The following DYRK4 variants were observed in gnomAD, a reference collection of about 807,000 sequenced individuals.
DYRK4 encodes dual specificity tyrosine-phosphorylation-regulated kinase 4.
A neutral mutation model predicts 68.3 loss-of-function variants in DYRK4; 64 were observed. That is an observed-to-expected ratio of 0.94 (90% CI 0.77 to 1.15). DYRK4 has a LOEUF of 1.15. DYRK4 is among the 50% of genes most tolerant of loss of function. DYRK4 has a pLI of 0.00. For missense variants in DYRK4, 740 were observed against 764.7 expected, an observed-to-expected ratio of 0.97 and a Z score of 0.38; for synonymous variants, 274 against 289.9, an observed-to-expected ratio of 0.95 and a Z score of 0.56.
At chr12:4,586,633 G>T (rs183641942) in intron 2 of DYRK4, among the ~76,000 whole-genome samples, 7 of 151,988 alleles carry the variant, frequency 4.6e-5, no homozygotes, top group Non-Finnish European at 1.0e-4. Context: ...GAGTACAAGT[G>T]TGCAGAGATG....
intron 1 of DYRK4, among the ~76,000 whole-genome samples, chr12:4,566,790 T>C (rs994847693): frequency 1.3e-5 from 2 of 152,240 alleles, no homozygotes; most frequent in African/African-American, 4.8e-5. Flanking sequence ...CAGGATTTTT[T>C]CATATTGTCT....
intron 2 of DYRK4, chr12:4,580,725 A>G (rs1324983849): frequency 2.3e-6 from 1 of 426,926 alleles, no homozygotes; most frequent in African/African-American, 2.1e-5. Flanking sequence ...CAGAGCCTGT[A>G]AGGAAGAAGT....
At chr12:4,569,410 C>A (rs529204349) in intron 2 of DYRK4, among the ~76,000 whole-genome samples, 1 of 152,288 alleles carries the variant, frequency 6.6e-6, no homozygotes, top group East Asian at 1.9e-4. Flanking sequence ...GCAAAATCAT[C>A]ATGAGGTTTG....
intron 5 of DYRK4, 71 bp from the exon 6 acceptor site, chr12:4,592,931 C>G (rs1180316806): frequency 1.9e-6 from 3 of 1,551,798 alleles, no homozygotes; most frequent in African/African-American, 2.7e-5. Flanking sequence ...GGAAGGGATG[C>G]CATCGTCTGC....
At chr12:4,587,542 A>T (rs1944909900) in intron 2 of DYRK4, among the ~76,000 whole-genome samples, 1 of 152,188 alleles carries the variant, frequency 6.6e-6, no homozygotes, top group Non-Finnish European at 1.5e-5. Flanking sequence ...ATTCATCCCC[A>T]CAAACCTACT....
intron 2 of DYRK4, among the ~76,000 whole-genome samples, chr12:4,572,555 A>G (rs189248598): frequency 8.5e-5 from 13 of 152,318 alleles, no homozygotes; most frequent in Admixed American, 3.3e-4. Flanking sequence ...TTGGCCTCCC[A>G]AAGTACTGGG....
chr12:4,573,268 A>T, intron 2 of DYRK4: 12 of 1,266,664 alleles, frequency 9.5e-6, no homozygotes, highest in Non-Finnish European at 1.2e-5. Flanking sequence ...TAATGTCTAC[A>T]TTTGGAATGG....
rs1945021874 is a variant in DYRK4 at position 4,596,682 on chromosome 12, C to T, written c.858C>T (p.Asp286=). The T allele has an allele frequency of 6.2e-7, 1 of 1,614,098 alleles. No individual in the cohort carries two copies. Among genetic ancestry groups the T allele is most frequent in the Non-Finnish European group, 8.5e-7 (1 of 1,180,056 alleles). ...DNTYNVVHMK[D]FFYFRNHFCI... is the part of the protein sequence containing the mutation. ...CCTACAATGTGGTGCATATGAAGGACTTTTTCTACTTTCGCAATCACTTCT... is the reference window on the plus strand; with the variant it reads ...CCTACAATGTGGTGCATATGAAGGATTTTTTCTACTTTCGCAATCACTTCT... The change falls in exon 8 of 15, where the codon GAC becomes GAT. Residue 286 remains aspartate, a synonymous_variant. Coordinates refer to ENST00000543431, the MANE Select transcript of DYRK4 (RefSeq NM_001394779.1).
At chr12:4,578,598 G>C (rs1461193010) in intron 2 of DYRK4, among the ~76,000 whole-genome samples, 2 of 152,128 alleles carry the variant, frequency 1.3e-5, no homozygotes, top group Non-Finnish European at 2.9e-5. Context: ...ATTATATTTG[G>C]AAATATAACT....
intron 2 of DYRK4, among the ~76,000 whole-genome samples, chr12:4,574,395 G>T (rs1406720418): frequency 6.6e-6 from 1 of 151,862 alleles, no homozygotes; most frequent in Non-Finnish European, 1.5e-5. Context: ...CTATGTATTG[G>T]CTCATTTTGC....
Position 4,610,263 on chromosome 12 carries a change from A to T in DYRK4, c.1469A>T (p.Asp490Val), listed in dbSNP as rs1225949153. 6.3e-7 allele frequency: 1 copy of T among 1,581,170 alleles called. No homozygotes were observed. Among genetic ancestry groups the T allele is most frequent in the Non-Finnish European group, 8.6e-7 (1 of 1,167,422 alleles). ...VLKTYDTSFL[D>V]FLRRCLVWEP... ...AAAACCTATGACACCAGCTTCCTGG[A>T]CTTTCTCAGAAGGTGTTTGGTGTGA... Residue 490 changes from aspartate (D) to valine (V), a missense_variant, in exon 13 of 15, where the codon GAC becomes GTC. Physicochemically the swap from Asp to Val is radical, Grantham distance 152. Coordinates refer to ENST00000543431, the MANE Select transcript of DYRK4 (RefSeq NM_001394779.1).
rs1945059051 is a variant in DYRK4 at position 4,599,633 on chromosome 12, GA to G, written c.1045-73del. On this transcript the variant is annotated intron_variant, in intron 9 of 14. Coordinates refer to ENST00000543431, the MANE Select transcript of DYRK4 (RefSeq NM_001394779.1). ...ATATTTGAACTGGGCCCTGAAGGAT[GA>G]GGAGCATTTAGGTAAGTAGAGGGCC... 2.7e-6 allele frequency: 3 copies of G among 1,111,156 alleles called. No individual in the cohort carries two copies. In the South Asian group the frequency reaches 4.1e-5, roughly 15 times the overall value. 68.8% of individuals were successfully genotyped at this position (1,111,156 alleles called of 1,614,324 possible).
In DYRK4 at chr12:4,612,105, T is replaced by C. The variant is rs533459198; in HGVS notation, c.1491-438T>C. Among the ~76,000 whole-genome samples, 4 of 152,358 alleles carry C rather than the reference T, an allele frequency of 2.6e-5. No homozygotes were observed. In the East Asian group the frequency reaches 7.7e-4, roughly 29 times the overall value. ...TTCTGCTACTGTATTACAAGTTTGATTGGATTATATCCAAGTCCCCTTGCA... is the reference window on the plus strand; with the variant it reads ...TTCTGCTACTGTATTACAAGTTTGACTGGATTATATCCAAGTCCCCTTGCA... On this transcript the variant is annotated intron_variant, in intron 13 of 14. Transcript: ENST00000543431.
chr12:4,591,107 C>T lies in DYRK4; in HGVS notation c.325-53C>T, dbSNP rs1944949390. On this transcript the variant is annotated intron_variant, in intron 4 of 14. Transcript: ENST00000543431. The surrounding 1 kb of genome is among the most constrained non-coding windows in gnomAD (Gnocchi z 4.1). Reference sequence around the variant, plus strand: ...CTTTGGTTAAATAAATGGTTTATGGCCCCCAGGAGAGTCCTAAGTAGTTAT... The same window carrying T: ...CTTTGGTTAAATAAATGGTTTATGGTCCCCAGGAGAGTCCTAAGTAGTTAT... The T allele has an allele frequency of 5.1e-6, 8 of 1,572,464 alleles. 1 individual carries two copies. The South Asian group carries it at 9.4e-5, about 19-fold the overall frequency.
At chr12:4,594,567 C>T (rs1479390276) in intron 6 of DYRK4, among the ~76,000 whole-genome samples, 3 of 152,166 alleles carry the variant, frequency 2.0e-5, no homozygotes, top group African/African-American at 7.2e-5. Flanking sequence ...AGCTAGACCT[C>T]CTCAACCCCT....
chr12:4,584,552 C>CTTTT (rs35018398), intron 2 of DYRK4, among the ~76,000 whole-genome samples: 1,517 of 103,804 alleles, frequency 0.015, 74 homozygotes, highest in African/African-American at 0.049. Context: ...TCTAATCAGC[C>CTTTT]TTTTTTTTTT....
At chr12:4,599,291 TTG>T in intron 9 of DYRK4, 125 bp downstream of exon 9, 1 of 1,008,848 alleles carries the variant, frequency 9.9e-7, no homozygotes, top group East Asian at 2.6e-5. Context: ...TTTTTTTTTT[TTG>T]GTGCTCTACT....
chr12:4,599,115 G>A lies in DYRK4; in HGVS notation c.993G>A (p.Lys331=). The A allele has an allele frequency of 6.2e-7, 1 of 1,614,080 alleles. No individual in the cohort carries two copies. The highest frequency in any genetic ancestry group is 8.5e-7 in the Non-Finnish European group (1 of 1,180,028). Residue 331 remains lysine, a synonymous_variant, in exon 9 of 15, where the codon AAG becomes AAA. Coordinates refer to ENST00000543431, the MANE Select transcript of DYRK4 (RefSeq NM_001394779.1). The stretch of plus-strand genomic sequence containing the variant: ...GGCGCTTCACTCTCTCTGTTTTGAA[G>A]TGCTTGCAGATGCTTTCGGTAGAGA... ...IVRRFTLSVL[K]CLQMLSVEKI...
At chr12:4,576,008 C>T (rs1185300098) in intron 2 of DYRK4, among the ~76,000 whole-genome samples, 3 of 152,114 alleles carry the variant, frequency 2.0e-5, no homozygotes, top group East Asian at 1.9e-4. Flanking sequence ...AATTGATGAA[C>T]GAAGATTGAT....
Sources: gnomAD v4.1 joint callset for allele counts (sites outside exome capture counted in the v4.1 genomes callset) on GRCh38, gnomAD v4.1.1 for gene constraint, Gnocchi (gnomAD v3.1) non-coding constraint, MANE v1.5 for transcripts, NCBI Gene and HGNC (gene_info 2026-07-23, HGNC 2026-07-21) for gene names.